RBFOX2: variants seen among roughly 807,000 people sequenced by gnomAD.
The protein encoded by RBFOX2 is RNA binding protein fox-1 homolog 2.
Under a neutral mutation model 49.1 loss-of-function variants are expected in RBFOX2, and 10 were observed. The observed-to-expected ratio is 0.20, with a 90% CI of 0.13 to 0.35. RBFOX2 has a LOEUF of 0.35. Ranked by LOEUF, RBFOX2 falls within the 10% of genes least tolerant of loss-of-function variation. The pLI, the probability that RBFOX2 is intolerant of heterozygous loss-of-function variation, is 1.00. For missense variants in RBFOX2, 323 were observed against 486.9 expected, an observed-to-expected ratio of 0.66 and a Z score of 3.17; for synonymous variants, 183 against 187.4, an observed-to-expected ratio of 0.98 and a Z score of 0.19.
intron 6 of RBFOX2, among the ~76,000 whole-genome samples, chr22:35,764,366 C>T (rs560768947): frequency 3.9e-5 from 6 of 151,948 alleles, no homozygotes; most frequent in African/African-American, 7.3e-5. Flanking sequence ...GGGCGGATCA[C>T]GAGGTCAGGA....
intron 2 of RBFOX2, among the ~76,000 whole-genome samples, chr22:35,784,169 C>T (rs1267832045): frequency 2.0e-5 from 3 of 152,206 alleles, no homozygotes; most frequent in Non-Finnish European, 4.4e-5. Flanking sequence ...TCAGCTATGC[C>T]TTCAACTCAA....
chr22:35,866,938 C>A (rs554379925), intron 1 of RBFOX2, among the ~76,000 whole-genome samples: 9 of 152,268 alleles, frequency 5.9e-5, no homozygotes, highest in African/African-American at 2.2e-4. Context: ...GCCCTTGGAG[C>A]CCTACAGAAT....
rs1257924249 is a variant in RBFOX2, at chr22:35,749,499, T to C, written c.888-2938A>G. Among the ~76,000 whole-genome samples the C allele has an allele frequency of 1.3e-5, 2 of 152,062 alleles. No individual in the cohort carries two copies. The highest frequency in any genetic ancestry group is 2.4e-5 in the African/African-American group (1 of 41,414). ...TGTGTATCATGGATGTATTCCTCTC[T>C]CTCTCTCTTACACACACACACGCAC... On this transcript the variant is annotated intron_variant, in intron 9 of 11. Coordinates refer to ENST00000405409, the Ensembl canonical transcript of RBFOX2. The surrounding 1 kb of genome is among the most constrained non-coding windows in gnomAD (Gnocchi z 4.1).
upstream of RBFOX2, among the ~76,000 whole-genome samples, chr22:35,962,053 CA>C (rs1603458941): frequency 6.6e-6 from 1 of 152,146 alleles, no homozygotes; most frequent in East Asian, 1.9e-4. Context: ...AAAAAGAGAA[CA>C]AAAAACTATG....
chr22:35,802,284 G>A (rs956000285), intron 2 of RBFOX2, among the ~76,000 whole-genome samples: 3 of 152,180 alleles, frequency 2.0e-5, no homozygotes, highest in Non-Finnish European at 2.9e-5. Context: ...TATGTAGTAA[G>A]TAATTTAAAA....
At chr22:35,970,901 T>C (rs147900048) in intron 1 of RBFOX2, among the ~76,000 whole-genome samples, 56 of 152,306 alleles carry the variant, frequency 3.7e-4, no homozygotes, top group African/African-American at 1.3e-3. Flanking sequence ...AGAGTTTCTG[T>C]AATCATCAGC....
At chr22:35,906,853 C>T (rs1278988044) in intron 1 of RBFOX2, among the ~76,000 whole-genome samples, 1 of 152,050 alleles carries the variant, frequency 6.6e-6, no homozygotes, top group East Asian at 1.9e-4. Context: ...AAAAAACTTT[C>T]TATACCATTT....
upstream of RBFOX2, among the ~76,000 whole-genome samples, chr22:35,943,146 T>G (rs978050210): frequency 1.3e-5 from 2 of 152,198 alleles, no homozygotes; most frequent in Non-Finnish European, 2.9e-5. Flanking sequence ...GGTGCAAAAT[T>G]AAAGTAATGG....
At chr22:35,968,974 CA>C (rs761687552) in intron 1 of RBFOX2, among the ~76,000 whole-genome samples, 1 of 152,146 alleles carries the variant, frequency 6.6e-6, no homozygotes, top group Non-Finnish European at 1.5e-5. Flanking sequence ...TCTGCTCAAG[CA>C]AATCAACAAG....
chr22:35,781,505 T>C, intron 3 of RBFOX2, 95 bp downstream of exon 4: 2 of 1,440,882 alleles, frequency 1.4e-6, no homozygotes, highest in Non-Finnish European at 1.9e-6. Context: ...AATCTATTTG[T>C]AGTTTAATCC....
At chr22:35,979,107 T>A (rs1324214150) in intron 1 of RBFOX2, among the ~76,000 whole-genome samples, 2 of 152,114 alleles carry the variant, frequency 1.3e-5, no homozygotes, top group Non-Finnish European at 2.9e-5. Context: ...TATGATGCAA[T>A]GAGAAGAGCA....
At chr22:35,826,198 T>A (rs879353899) in intron 1 of RBFOX2, among the ~76,000 whole-genome samples, 12 of 150,980 alleles carry the variant, frequency 7.9e-5, no homozygotes, top group Non-Finnish European at 1.3e-4. Flanking sequence ...AAAAATTAGC[T>A]GGGCTTGGTG....
At chr22:35,791,017 A>C (rs1162131174) in intron 2 of RBFOX2, among the ~76,000 whole-genome samples, 1 of 151,904 alleles carries the variant, frequency 6.6e-6, no homozygotes, top group African/African-American at 2.4e-5. Context: ...CAAAACAAAA[A>C]ACAAACACAC....
intron 1 of RBFOX2, among the ~76,000 whole-genome samples, chr22:35,853,939 G>A (rs1415651811): frequency 2.6e-5 from 4 of 152,006 alleles, no homozygotes; most frequent in South Asian, 2.1e-4. Flanking sequence ...GGCCAGGCAC[G>A]GTGGCTCACG....
chr22:35,872,955 C>T (rs982890983), intron 1 of RBFOX2, among the ~76,000 whole-genome samples: 1 of 152,130 alleles, frequency 6.6e-6, no homozygotes, highest in African/African-American at 2.4e-5. Context: ...ACTTCCCTGA[C>T]CCCCTCCCGT....
At chr22:35,795,546 A>T (rs1276197853) in intron 2 of RBFOX2, among the ~76,000 whole-genome samples, 3 of 151,660 alleles carry the variant, frequency 2.0e-5, no homozygotes, top group Admixed American at 6.6e-5. Context: ...TCAGATAAAG[A>T]AGTCAATGGG....
chr22:35,814,848 A>G (rs1450955639), intron 1 of RBFOX2, among the ~76,000 whole-genome samples: 2 of 151,866 alleles, frequency 1.3e-5, no homozygotes, highest in Non-Finnish European at 2.9e-5. Context: ...TGAGCTCAGG[A>G]GTTTGAGACC....
intron 2 of RBFOX2, among the ~76,000 whole-genome samples, chr22:35,808,834 C>T (rs888038677): frequency 6.6e-6 from 1 of 152,006 alleles, no homozygotes; most frequent in Non-Finnish European, 1.5e-5. Context: ...GCCTGGACAA[C>T]AAAGCAAGAG....
chr22:35,770,429 T>C (rs1340966842), intron 4 of RBFOX2, among the ~76,000 whole-genome samples: 2 of 152,152 alleles, frequency 1.3e-5, no homozygotes, highest in Non-Finnish European at 2.9e-5. Context: ...CACACCCACA[T>C]ACAAATATAC....
Sources: gnomAD v4.1 joint callset for allele counts (sites outside exome capture counted in the v4.1 genomes callset) on GRCh38, gnomAD v4.1.1 for gene constraint, Gnocchi (gnomAD v3.1) non-coding constraint, MANE v1.5 for transcripts, NCBI Gene and HGNC (gene_info 2026-07-23, HGNC 2026-07-21) for gene names.